Variants in PHKB observed in about 807,000 individuals in gnomAD.
PHKB encodes phosphorylase kinase regulatory subunit beta, also known as phosphorylase b kinase regulatory subunit beta.
PHKB carries 122 observed loss-of-function variants against 152.1 expected under a neutral mutation model. The observed-to-expected ratio is 0.80, with a 90% CI of 0.69 to 0.93. The LOEUF (loss-of-function observed/expected upper bound fraction) is 0.93. Ranked by LOEUF, PHKB falls within the 40% of genes least tolerant of loss-of-function variation. The pLI, the probability that PHKB is intolerant of heterozygous loss-of-function variation, is 0.00. For missense variants in PHKB, 1,304 were observed against 1,328.4 expected, an observed-to-expected ratio of 0.98 and a Z score of 0.29; for synonymous variants, 436 against 464.9, an observed-to-expected ratio of 0.94 and a Z score of 0.80.
intron 7 of PHKB, among the ~76,000 whole-genome samples, chr16:47,555,562 T>A: frequency 6.6e-6 from 1 of 152,234 alleles, no homozygotes; most frequent in Non-Finnish European, 1.5e-5. Flanking sequence ...AATAATCAAA[T>A]CAGTCAATGT....
At chr16:47,573,518 G>A (rs1438682691) in intron 7 of PHKB, among the ~76,000 whole-genome samples, 1 of 152,186 alleles carries the variant, frequency 6.6e-6, no homozygotes, top group East Asian at 1.9e-4. Context: ...GACCCACCCA[G>A]CTCTCACTTT....
Position 47,662,397 on chromosome 16 carries a change from A to G in PHKB, c.2278+597A>G, listed in dbSNP as rs1597159776. 2.0e-5 allele frequency among the ~76,000 whole-genome samples: 3 copies of G among 152,346 alleles called. No individual in the cohort carries two copies. The South Asian group carries it at 6.2e-4, about 32-fold the overall frequency. On this transcript the variant is annotated intron_variant, in intron 23 of 30. Transcript: ENST00000323584. ...CACCATGGTCCGCTTCTGACATTTTATAATACAGAATAATACAGAATACAG... is the reference window on the plus strand; with the variant it reads ...CACCATGGTCCGCTTCTGACATTTTGTAATACAGAATAATACAGAATACAG...
At chr16:47,629,126 G>A (rs1272852607) in intron 14 of PHKB, among the ~76,000 whole-genome samples, 2 of 152,234 alleles carry the variant, frequency 1.3e-5, no homozygotes, top group African/African-American at 2.4e-5. Context: ...AGGACTGCAT[G>A]TCTAAAACAC....
intron 6 of PHKB, among the ~76,000 whole-genome samples, chr16:47,539,192 G>T (rs1398042134): frequency 6.6e-6 from 1 of 152,064 alleles, no homozygotes; most frequent in African/African-American, 2.4e-5. Flanking sequence ...TGGAAGCTCT[G>T]ACTCCTGGCC....
At position 47,528,221 on chromosome 16, in the gene PHKB, G is replaced by C. The variant is rs543677703; in HGVS notation, c.594+12620G>C. 2.0e-5 allele frequency among the ~76,000 whole-genome samples: 3 copies of C among 152,294 alleles called. No homozygotes were observed. In the South Asian group the frequency reaches 6.2e-4, roughly 32 times the overall value. On this transcript the variant is annotated intron_variant, in intron 6 of 30. Transcript: ENST00000323584. ...ATTTTGTTGGGTAGAATTGAGCTTT[G>C]AAGGGTCAGACCTTATTGTAATAGC...
intron 26 of PHKB, among the ~76,000 whole-genome samples, chr16:47,688,131 A>T (rs1973996747): frequency 6.6e-6 from 1 of 152,224 alleles, no homozygotes; most frequent in African/African-American, 2.4e-5. Flanking sequence ...GTGAATAAAG[A>T]TGCATTCTTT....
chr16:47,532,754 G>T (rs1172027044), intron 6 of PHKB, among the ~76,000 whole-genome samples: 3 of 152,256 alleles, frequency 2.0e-5, no homozygotes, highest in Non-Finnish European at 4.4e-5. Context: ...GGCTCAGGGA[G>T]CTCCCACGTC....
At chr16:47,693,071 T>C (rs775786095) in intron 27 of PHKB, among the ~76,000 whole-genome samples, 13 of 152,282 alleles carry the variant, frequency 8.5e-5, no homozygotes, top group Admixed American at 5.9e-4. Flanking sequence ...CTGCTGCGTT[T>C]TTAAAGGGAG....
chr16:47,616,222 G>T (rs1162348313), intron 14 of PHKB, among the ~76,000 whole-genome samples: 1 of 151,704 alleles, frequency 6.6e-6, no homozygotes, highest in African/African-American at 2.4e-5. Flanking sequence ...TGTGCTTATG[G>T]TGTCATGTCT....
intron 16 of PHKB, among the ~76,000 whole-genome samples, chr16:47,646,447 G>C (rs1422695505): frequency 8.0e-6 from 1 of 125,628 alleles, no homozygotes; most frequent in Non-Finnish European, 1.7e-5. Flanking sequence ...ACGTTAGTGG[G>C]TGCAGCGCAC....
At chr16:47,597,854 G>A (rs1356437439) in intron 13 of PHKB, 5 of 151,248 alleles carry the variant, frequency 3.3e-5, no homozygotes, top group South Asian at 2.1e-4. Context: ...TAAAGGCCAC[G>A]GTCCAGAAAA....
intron 29 of PHKB, 112 bp downstream of exon 29, chr16:47,696,600 C>A: frequency 1.4e-6 from 1 of 732,162 alleles, no homozygotes; most frequent in Non-Finnish European, 2.5e-6. Context: ...TCCAGTACCC[C>A]GATCTCTCCT....
intron 14 of PHKB, among the ~76,000 whole-genome samples, chr16:47,612,305 A>G (rs1465937691): frequency 6.6e-6 from 1 of 152,310 alleles, no homozygotes; most frequent in Admixed American, 6.5e-5. Flanking sequence ...AAATAAATTA[A>G]TAGGTCACAG....
In PHKB at chr16:47,554,517, G is replaced by A. The variant is rs1053434128; in HGVS notation, c.710+6969G>A. Among the ~76,000 whole-genome samples, 7 of 152,226 alleles carry A rather than the reference G, an allele frequency of 4.6e-5. No individual in the cohort carries two copies. The Middle Eastern group carries it at 0.01, about 222-fold the overall frequency. ...CCCTGGCTTCAGCCCCCTTTCCAGG[G>A]GAGTGAACGGTTCTGTCTCCGCGGA... On this transcript the variant is annotated intron_variant, in intron 7 of 30. Transcript: ENST00000323584.
At chr16:47,501,062 T>C (rs1205195087) in intron 3 of PHKB, among the ~76,000 whole-genome samples, 1 of 152,218 alleles carries the variant, frequency 6.6e-6, no homozygotes, top group Admixed American at 6.5e-5. Flanking sequence ...AATATGGCTT[T>C]ATTAAATGTA....
chr16:47,565,464 C>G, intron 7 of PHKB: 2 of 1,397,112 alleles, frequency 1.4e-6, no homozygotes, highest in South Asian at 1.2e-5. Flanking sequence ...TTCACTTCAC[C>G]CAAGCATTCT....
At chr16:47,543,752 T>C (rs1004593073) in intron 6 of PHKB, among the ~76,000 whole-genome samples, 1 of 152,206 alleles carries the variant, frequency 6.6e-6, no homozygotes. Context: ...TCCAGGAATT[T>C]ATCAATTTCT....
At chr16:47,495,538 C>G (rs1970217723) in intron 1 of PHKB, among the ~76,000 whole-genome samples, 1 of 151,918 alleles carries the variant, frequency 6.6e-6, no homozygotes, top group African/African-American at 2.4e-5. Context: ...CAAAGGTGTC[C>G]CCTTTAATTT....
intron 7 of PHKB, among the ~76,000 whole-genome samples, chr16:47,578,929 C>A (rs764209484): frequency 3.3e-5 from 5 of 151,454 alleles, no homozygotes; most frequent in Non-Finnish European, 7.4e-5. Context: ...GAGAGACAGG[C>A]TTTTGTTGGG....
Sources: allele counts gnomAD v4.1 joint callset (sites outside exome capture counted in the v4.1 genomes callset), GRCh38; gene constraint gnomAD v4.1.1; transcripts MANE v1.5; gene names NCBI Gene and HGNC (gene_info 2026-07-23, HGNC 2026-07-21).